The following GALNT11 variants were observed in gnomAD, a reference collection of about 807,000 sequenced individuals.
GALNT11 encodes UDP-GalNAc:polypeptide N-acetylgalactosaminyltransferase 11.
GALNT11 carries 47 observed loss-of-function variants against 72.7 expected under a neutral mutation model. That is an observed-to-expected ratio of 0.65 (90% CI 0.51 to 0.82). The LOEUF (loss-of-function observed/expected upper bound fraction) is 0.82. Ranked by LOEUF, GALNT11 falls within the 40% of genes least tolerant of loss-of-function variation. The pLI, the probability that GALNT11 is intolerant of heterozygous loss-of-function variation, is 0.00. For synonymous variants in GALNT11, 270 were observed against 286.6 expected, an observed-to-expected ratio of 0.94 and a Z score of 0.58; for missense variants, 677 against 778.4, an observed-to-expected ratio of 0.87 and a Z score of 1.55.
intron 2 of GALNT11, among the ~76,000 whole-genome samples, chr7:152,099,239 G>A (rs1472292943): frequency 1.3e-5 from 2 of 151,930 alleles, no homozygotes; most frequent in African/African-American, 2.4e-5. Flanking sequence ...ACCACGCCCG[G>A]CTGGAAACAC....
Position 152,094,332 on chromosome 7 carries a change from G to A in GALNT11, c.105G>A (p.Gln35=). 6.2e-7 allele frequency: 1 copy of A among 1,614,118 alleles called. No individual in the cohort carries two copies. Among genetic ancestry groups the A allele is most frequent in the South Asian group, 1.1e-5 (1 of 91,076 alleles). The part of the protein sequence containing the change: ...FVYFNFSEVT[Q]PLKNVPVKGS... ...ATTTCAACTTCAGTGAAGTGACTCA[G>A]CCACTTAAGAATGTGCCCGTCAAGG... The change falls in exon 2 of 12, where the codon CAG becomes CAA. Residue 35 remains glutamine (Q), a synonymous_variant. Transcript: ENST00000430044. This position sits in a 1 kb window ranked among gnomAD's most constrained non-coding sequence, Gnocchi z 4.3.
intron 1 of GALNT11, among the ~76,000 whole-genome samples, chr7:152,047,923 G>T (rs1433132251): frequency 6.6e-6 from 1 of 151,842 alleles, no homozygotes; most frequent in Non-Finnish European, 1.5e-5. Context: ...TTCTACTCAA[G>T]ACATGTATGG....
intron 1 of GALNT11, among the ~76,000 whole-genome samples, chr7:152,076,801 C>T (rs2085010567): frequency 6.6e-6 from 1 of 152,244 alleles, no homozygotes; most frequent in Non-Finnish European, 1.5e-5. Flanking sequence ...GCTTGGTTAA[C>T]AGCATGAGCT....
intron 8 of GALNT11, among the ~76,000 whole-genome samples, chr7:152,116,627 A>C (rs1383924211): frequency 6.6e-6 from 1 of 152,216 alleles, no homozygotes; most frequent in East Asian, 1.9e-4. Context: ...AAGTTATTGA[A>C]TTTTGGAGTA....
At chr7:152,060,716 A>T (rs2083957897) in intron 1 of GALNT11, among the ~76,000 whole-genome samples, 1 of 151,588 alleles carries the variant, frequency 6.6e-6, no homozygotes, top group Non-Finnish European at 1.5e-5. Flanking sequence ...GAGTGAGAAC[A>T]TGCGGTGTTT....
chr7:152,110,321 G>A (rs780023857), intron 6 of GALNT11, among the ~76,000 whole-genome samples: 4 of 152,134 alleles, frequency 2.6e-5, no homozygotes, highest in Non-Finnish European at 2.9e-5. Context: ...AGTAGCCTTC[G>A]TATGCCAGAT....
At chr7:152,034,334 AGGT>A (rs2082452003) in intron 1 of GALNT11, among the ~76,000 whole-genome samples, 1 of 152,186 alleles carries the variant, frequency 6.6e-6, no homozygotes, top group Non-Finnish European at 1.5e-5. Context: ...CTTGGACATA[AGGT>A]GTTTCACTCC....
intron 1 of GALNT11, among the ~76,000 whole-genome samples, chr7:152,066,032 C>T (rs2084287401): frequency 6.6e-6 from 1 of 152,182 alleles, no homozygotes; most frequent in South Asian, 2.1e-4. Context: ...ACGCCCTGCC[C>T]CCAGAGGTGG....
intron 1 of GALNT11, among the ~76,000 whole-genome samples, chr7:152,068,115 T>C (rs1331990070): frequency 6.6e-6 from 1 of 152,168 alleles, no homozygotes; most frequent in South Asian, 2.1e-4. Context: ...TATCTGCCTC[T>C]GTCATATTAC....
At chr7:152,117,115 C>CA (rs1242466124) in intron 8 of GALNT11, 42 bp from the exon 9 acceptor site, 1 of 1,535,184 alleles carries the variant, frequency 6.5e-7, no homozygotes, top group East Asian at 2.3e-5. Flanking sequence ...TCATTTTTAA[C>CA]AAAAAATTCG....
intron 1 of GALNT11, among the ~76,000 whole-genome samples, chr7:152,091,568 G>T (rs527573826): frequency 1.6e-4 from 24 of 152,084 alleles, no homozygotes; most frequent in Admixed American, 1.4e-3. Context: ...AGTAGAGACG[G>T]GGTTTCACCA....
chr7:152,073,388 T>C (rs1288790038), intron 1 of GALNT11, among the ~76,000 whole-genome samples: 2 of 152,234 alleles, frequency 1.3e-5, no homozygotes, highest in Non-Finnish European at 2.9e-5. Flanking sequence ...CACATATGAA[T>C]GAGAACATGT....
Position 152,103,177 on chromosome 7 carries a change from A to G in GALNT11, c.485A>G (p.Glu162Gly). 1 of 1,613,018 alleles carries G rather than the reference A, an allele frequency of 6.2e-7. No individual in the cohort carries two copies. The highest frequency in any genetic ancestry group is 8.5e-7 in the Non-Finnish European group (1 of 1,179,406). Reference sequence around the variant, plus strand: ...AGTGTTGTTATCTGTTTCTATAATGAAGCGTTTTCTGCCTTGCTTCGGACA... The same window carrying G: ...AGTGTTGTTATCTGTTTCTATAATGGAGCGTTTTCTGCCTTGCTTCGGACA... ...AASVVICFYNEAFSALLRTVH... is the reference protein window; with the variant it reads ...AASVVICFYNGAFSALLRTVH... The change falls in exon 4 of 12, where the codon GAA (glutamate) becomes GGA (glycine). Residue 162 changes from glutamate to glycine, a missense_variant. By Grantham distance (98) the Glu-to-Gly change is moderately conservative. Transcript: ENST00000430044.
Position 152,065,388 on chromosome 7 carries a change from C to T in GALNT11, c.-38-28802C>T, listed in dbSNP as rs542145208. ...GTTTTTAGCTTCTTTGCGATGCATT[C>T]GAACTTCCTCCTTTAGCTCGGAGTA... On this transcript the variant is annotated intron_variant, in intron 1 of 11. Transcript: ENST00000430044. 5.9e-5 allele frequency among the ~76,000 whole-genome samples: 9 copies of T among 152,308 alleles called. No homozygotes were observed. In the South Asian group the frequency reaches 1.7e-3, roughly 28 times the overall value.
At chr7:152,036,259 G>A (rs1470466621) in intron 1 of GALNT11, among the ~76,000 whole-genome samples, 2 of 151,560 alleles carry the variant, frequency 1.3e-5, no homozygotes, top group Non-Finnish European at 2.9e-5. Context: ...TCAGCCTCTG[G>A]TAACCATTAT....
Position 152,045,261 on chromosome 7 carries a change from T to A in GALNT11, c.-39+19377T>A, listed in dbSNP as rs374828530. On this transcript the variant is annotated intron_variant, in intron 1 of 11. Coordinates refer to ENST00000430044, the MANE Select transcript of GALNT11 (RefSeq NM_022087.4). The stretch of plus-strand genomic sequence containing the variant: ...CCTGTAGTTTTATTTTTTTGATGTG[T>A]CTTTGTCTGGTTTTGGTATCAGGGT... 9.8e-5 allele frequency among the ~76,000 whole-genome samples: 15 copies of A among 152,310 alleles called. No individual in the cohort carries two copies. The East Asian group carries it at 2.3e-3, about 24-fold the overall frequency.
chr7:152,043,086 T>G (rs2082943112), intron 1 of GALNT11, among the ~76,000 whole-genome samples: 1 of 152,224 alleles, frequency 6.6e-6, no homozygotes, highest in South Asian at 2.1e-4. Flanking sequence ...TTCATTTAAT[T>G]TCACTTTTCC....
At chr7:152,057,061 TG>T (rs1042391452) in intron 1 of GALNT11, among the ~76,000 whole-genome samples, 3 of 149,152 alleles carry the variant, frequency 2.0e-5, no homozygotes, top group Admixed American at 1.4e-4. Flanking sequence ...TTTGCGATGT[TG>T]CCCAGGCCAG....
chr7:152,086,534 T>C (rs1007901813), intron 1 of GALNT11, among the ~76,000 whole-genome samples: 2 of 152,148 alleles, frequency 1.3e-5, no homozygotes, highest in Non-Finnish European at 2.9e-5. Context: ...TTGTTGAAAG[T>C]TAGTATATTT....
Sources: gnomAD v4.1 joint callset for allele counts (sites outside exome capture counted in the v4.1 genomes callset) on GRCh38, gnomAD v4.1.1 for gene constraint, Gnocchi (gnomAD v3.1) non-coding constraint, MANE v1.5 for transcripts, NCBI Gene and HGNC (gene_info 2026-07-23, HGNC 2026-07-21) for gene names.